ZNF43: variants seen among roughly 807,000 people sequenced by gnomAD.
ZNF43 encodes zinc finger protein 39-like 1 (KOX 27).
In ZNF43, 44 loss-of-function variants were observed where a neutral mutation model predicts 68.4. The ratio of observed to expected loss-of-function variants is 0.64; its 90% CI spans 0.51 to 0.83. ZNF43 has a LOEUF of 0.83. Ranked by LOEUF, ZNF43 falls within the 40% of genes least tolerant of loss-of-function variation. The probability of loss-of-function intolerance (pLI) is 0.00; values close to 1 mark genes in which losing one functional copy is unlikely to be tolerated. For missense variants in ZNF43, 896 were observed against 933.2 expected (o/e 0.96, Z 0.52); for synonymous variants, 308 against 307.8 (o/e 1.00, Z -0.01).
At chr19:21,845,569 C>T (rs577788443) in intron 1 of ZNF43, 3 of 152,028 alleles carry the variant, frequency 2.0e-5, no homozygotes, top group African/African-American at 7.3e-5. Flanking sequence ...GTAGGAGACT[C>T]CTTGGTGATA....
At chr19:21,828,540 C>T (rs2038250845) in intron 1 of ZNF43, among the ~76,000 whole-genome samples, 1 of 151,742 alleles carries the variant, frequency 6.6e-6, no homozygotes, top group Admixed American at 6.6e-5. Flanking sequence ...CATGGAGAAA[C>T]CCTGTCTCTA....
chr19:21,836,680 G>A (rs2038756399), upstream of ZNF43, among the ~76,000 whole-genome samples: 2 of 152,162 alleles, frequency 1.3e-5, no homozygotes, highest in African/African-American at 4.8e-5. Context: ...AGCAATCTAG[G>A]CTTGAGCAAT....
intron 1 of ZNF43, among the ~76,000 whole-genome samples, chr19:21,822,188 C>CA (rs1202649351): frequency 6.6e-6 from 1 of 151,724 alleles, no homozygotes; most frequent in African/African-American, 2.4e-5. Flanking sequence ...CCTCCTCTGC[C>CA]ATGGACACCA....
chr19:21,833,014 C>G (rs2038497592), intron 1 of ZNF43, among the ~76,000 whole-genome samples: 1 of 152,188 alleles, frequency 6.6e-6, no homozygotes. Context: ...CAAATTTACC[C>G]TGCAAAGAGA....
At chr19:21,836,335 GAAGA>G (rs959172123), upstream of ZNF43, 131 of 1,081,720 alleles carry the variant, frequency 1.2e-4, no homozygotes, top group East Asian at 5.2e-4. Flanking sequence ...TGGGCTGAAA[GAAGA>G]AAGAATGACA....
intron 1 of ZNF43, among the ~76,000 whole-genome samples, chr19:21,849,266 A>G (rs999487237): frequency 6.6e-6 from 1 of 152,134 alleles, no homozygotes; most frequent in African/African-American, 2.4e-5. Flanking sequence ...AGGCGGGTGG[A>G]TAACCTGAGG....
intron 3 of ZNF43, 76 bp downstream of exon 3, chr19:21,817,811 AT>A: frequency 6.9e-7 from 1 of 1,440,496 alleles, no homozygotes; most frequent in Non-Finnish European, 9.6e-7. Flanking sequence ...CCCAAGTCAC[AT>A]TTTAAGGACT....
chr19:21,839,828 A>C (rs986052795), upstream of ZNF43: 1 of 152,180 alleles, frequency 6.6e-6, no homozygotes, highest in Non-Finnish European at 1.5e-5. Context: ...GGGCCAAACA[A>C]TATGTCACAA....
Position 21,815,415 on chromosome 19 carries a change from G to A in ZNF43, c.229+2473C>T, listed in dbSNP as rs2037472577. ...GATAATTTTTATATTTTAAGTAGAT[G>A]CTATACTTACAAAAAATGAAACTGC... On this transcript the variant is annotated intron_variant, in intron 3 of 3. Transcript: ENST00000354959. Among the ~76,000 whole-genome samples the A allele has an allele frequency of 2.0e-5, 3 of 150,134 alleles. No homozygotes were observed. The South Asian group carries it at 6.3e-4, about 32-fold the overall frequency.
intron 1 of ZNF43, among the ~76,000 whole-genome samples, chr19:21,824,732 T>TAAAAAAA (rs34739856): frequency 4.6e-4 from 49 of 106,994 alleles, no homozygotes; most frequent in East Asian, 8.3e-4. Flanking sequence ...TATGTTTACC[T>TAAAAAAA]AAAAAAAAAA....
At chr19:21,815,680 A>G (rs2037493919) in intron 3 of ZNF43, among the ~76,000 whole-genome samples, 1 of 152,076 alleles carries the variant, frequency 6.6e-6, no homozygotes, top group Admixed American at 6.6e-5. Flanking sequence ...CTGATTATCT[A>G]ATTTACTTCA....
chr19:21,837,071 G>A (rs184897346), upstream of ZNF43, among the ~76,000 whole-genome samples: 2 of 152,278 alleles, frequency 1.3e-5, no homozygotes, highest in East Asian at 3.9e-4. Flanking sequence ...ACTTTAAGTT[G>A]CAGTATGCTA....
At chr19:21,821,170 A>C (rs1599481123) in intron 1 of ZNF43, among the ~76,000 whole-genome samples, 2 of 121,724 alleles carry the variant, frequency 1.6e-5, no homozygotes, top group Non-Finnish European at 3.3e-5. Flanking sequence ...TTTAAGATGG[A>C]GTCTCGCTCA....
rs151243122 is a variant in ZNF43 at position 21,833,552 on chromosome 19, G to A, written c.3+2484C>T. On this transcript the variant is annotated intron_variant, in intron 1 of 3. Transcript: ENST00000354959. ...CCCAAAGTGTTGGGATTATAGGCAT[G>A]AGCCACTACACCCAGGCTGTGACAC... 2.9e-3 allele frequency among the ~76,000 whole-genome samples: 447 copies of A among 151,884 alleles called. 4 individuals are homozygous for A. The highest frequency in any genetic ancestry group is 9.7e-3 in the African/African-American group (403 of 41,450).
chr19:21,835,661 CCTGTTT>C (rs2038683339), intron 1 of ZNF43, among the ~76,000 whole-genome samples: 1 of 152,058 alleles, frequency 6.6e-6, no homozygotes, highest in South Asian at 2.1e-4. Flanking sequence ...GGCCGACTCT[CCTGTTT>C]CTAATAGACC....
upstream of ZNF43, chr19:21,841,098 C>G (rs1293364060): frequency 6.6e-6 from 1 of 152,222 alleles, no homozygotes; most frequent in Non-Finnish European, 1.5e-5. Flanking sequence ...ATAACACTCT[C>G]TGTACCGTCC....
chr19:21,825,744 T>A (rs751164750), intron 1 of ZNF43, among the ~76,000 whole-genome samples: 2 of 152,134 alleles, frequency 1.3e-5, no homozygotes, highest in Non-Finnish European at 2.9e-5. Context: ...GGTCTGAGGA[T>A]ACAAGAGTCA....
chr19:21,849,152 A>G (rs1047969708), intron 1 of ZNF43, among the ~76,000 whole-genome samples: 16 of 152,076 alleles, frequency 1.1e-4, no homozygotes, highest in African/African-American at 3.6e-4. Flanking sequence ...GAACTCTATA[A>G]TGACACTCTC....
chr19:21,805,098 AATAG>A lies in ZNF43; in HGVS notation c.*2505_*2508del, dbSNP rs1166418882. 1 of 152,238 alleles carries A rather than the reference AATAG, an allele frequency of 6.6e-6. No homozygotes were observed. The allele number at this position is 152,238 out of a possible 1,614,324, so 9.4% of individuals were successfully genotyped here. Reference sequence around the variant, plus strand: ...AATACAAAGGATAAATGCTGAAGGTAATAGATACTTTATCCTGATGTGACTAATA... The same window carrying A: ...AATACAAAGGATAAATGCTGAAGGTAATACTTTATCCTGATGTGACTAATA... On this transcript the variant is annotated 3_prime_UTR_variant, in exon 4 of 4. Transcript: ENST00000354959.
Sources: gnomAD v4.1 joint callset for allele counts (sites outside exome capture counted in the v4.1 genomes callset) on GRCh38, gnomAD v4.1.1 for gene constraint, MANE v1.5 for transcripts, NCBI Gene and HGNC (gene_info 2026-07-23, HGNC 2026-07-21) for gene names.